The following SAMMSON variants were observed in gnomAD, a reference collection of about 807,000 sequenced individuals.
SAMMSON encodes long intergenic non-protein coding RNA 1212.
intron 4 of SAMMSON, among the ~76,000 whole-genome samples, chr3:70,093,467 G>T (rs753899447): frequency 1.8e-4 from 28 of 152,116 alleles, no homozygotes; most frequent in Non-Finnish European, 3.7e-4. Context: ...AAGGCAACTT[G>T]GTTGTTTGTA....
At chr3:70,423,922 T>C (rs1701333280) in intron 2 of SAMMSON, among the ~76,000 whole-genome samples, 1 of 152,210 alleles carries the variant, frequency 6.6e-6, no homozygotes, top group East Asian at 1.9e-4. Flanking sequence ...TTAGCAGATC[T>C]TTCTGGTCTG....
At chr3:70,056,575 C>G (rs1334663058) in intron 3 of SAMMSON, among the ~76,000 whole-genome samples, 1 of 151,900 alleles carries the variant, frequency 6.6e-6, no homozygotes, top group Non-Finnish European at 1.5e-5. Flanking sequence ...CTCTCCCCCT[C>G]TCTTCACTAA....
chr3:70,336,284 T>C (rs1252644262), intron 7 of SAMMSON, among the ~76,000 whole-genome samples: 2 of 152,032 alleles, frequency 1.3e-5, no homozygotes, highest in Non-Finnish European at 2.9e-5. Context: ...CCCAGGTGTT[T>C]TGAGGCAAGG....
intron 4 of SAMMSON, among the ~76,000 whole-genome samples, chr3:70,227,529 A>G (rs1425149392): frequency 6.6e-6 from 1 of 152,232 alleles, no homozygotes; most frequent in Non-Finnish European, 1.5e-5. Flanking sequence ...AGGCTAGAAG[A>G]CAAAGTGAGT....
intron 4 of SAMMSON, among the ~76,000 whole-genome samples, chr3:70,211,488 C>T (rs1252317000): frequency 3.5e-5 from 2 of 56,828 alleles, no homozygotes; most frequent in African/African-American, 1.1e-4. Context: ...CTTCCTTTCC[C>T]TTCCCTTCCC....
chr3:70,173,115 C>T (rs976875706), intron 4 of SAMMSON, among the ~76,000 whole-genome samples: 1 of 151,920 alleles, frequency 6.6e-6, no homozygotes, highest in Non-Finnish European at 1.5e-5. Flanking sequence ...AAGCCCACTA[C>T]ATTTTTCTTC....
intron 4 of SAMMSON, among the ~76,000 whole-genome samples, chr3:70,111,859 G>A (rs1024063978): frequency 1.3e-5 from 2 of 152,030 alleles, no homozygotes; most frequent in East Asian, 1.9e-4. Context: ...GACAGAGAAC[G>A]AGAAAGAAAG....
At chr3:70,118,800 G>T (rs1055040719) in intron 4 of SAMMSON, among the ~76,000 whole-genome samples, 7 of 152,142 alleles carry the variant, frequency 4.6e-5, no homozygotes, top group African/African-American at 1.7e-4. Context: ...TGAAGAAACT[G>T]AGGCTCAGAA....
intron 7 of SAMMSON, among the ~76,000 whole-genome samples, chr3:70,348,165 A>G (rs191830658): frequency 5.3e-5 from 8 of 152,306 alleles, no homozygotes; most frequent in Non-Finnish European, 1.0e-4. Flanking sequence ...GGAGGTTGTG[A>G]TTTTAAACAG....
chr3:70,152,436 C>T (rs1206330653), intron 4 of SAMMSON, among the ~76,000 whole-genome samples: 1 of 152,008 alleles, frequency 6.6e-6, no homozygotes, highest in Non-Finnish European at 1.5e-5. Context: ...CTCTTCTAAT[C>T]AAAAGTGACA....
chr3:70,187,427 CTTTTTT>C (rs928465556), intron 4 of SAMMSON, among the ~76,000 whole-genome samples: 3 of 73,114 alleles, frequency 4.1e-5, no homozygotes, highest in Non-Finnish European at 7.4e-5. Flanking sequence ...GGGACCAACT[CTTTTTT>C]TTTTTTTTTT....
At chr3:70,126,329 G>A in intron 4 of SAMMSON, 1 of 1,180,154 alleles carries the variant, frequency 8.5e-7, no homozygotes, top group Non-Finnish European at 1.2e-6. Flanking sequence ...CAAATTCAAA[G>A]ACTAAAGTAT....
At chr3:70,389,695 G>A (rs1701028008) in exon 10 of SAMMSON, 1 of 151,882 alleles carries the variant, frequency 6.6e-6, no homozygotes, top group Non-Finnish European at 1.5e-5. Context: ...CGTTTTTTCT[G>A]GATGCTAAGA....
chr3:70,180,001 CGTAT>C (rs1291855305), intron 4 of SAMMSON, among the ~76,000 whole-genome samples: 4 of 73,092 alleles, frequency 5.5e-5, no homozygotes, highest in Admixed American at 1.9e-4. Flanking sequence ...ACCTGTGCTT[CGTAT>C]GTGTGTGTGT....
chr3:70,357,867 A>G (rs114384427), intron 8 of SAMMSON, among the ~76,000 whole-genome samples: 1,721 of 152,276 alleles, frequency 0.011, 27 homozygotes, highest in African/African-American at 0.038. Flanking sequence ...TTTTCTATTA[A>G]TGGGATATGA....
chr3:70,121,799 G>A (rs2067434695), intron 4 of SAMMSON, among the ~76,000 whole-genome samples: 2 of 152,166 alleles, frequency 1.3e-5, no homozygotes, highest in African/African-American at 2.4e-5. Context: ...ACTGGTGGCC[G>A]ACTGCCTGGA....
chr3:70,119,741 AAACACAT>A (rs1201432173), intron 4 of SAMMSON, among the ~76,000 whole-genome samples: 2 of 152,190 alleles, frequency 1.3e-5, no homozygotes, highest in Non-Finnish European at 2.9e-5. Context: ...ATTTGTGTGT[AAACACAT>A]TATCTATGTA....
chr3:70,233,099 G>A (rs1406876056), intron 4 of SAMMSON, among the ~76,000 whole-genome samples: 1 of 152,216 alleles, frequency 6.6e-6, no homozygotes, highest in African/African-American at 2.4e-5. Flanking sequence ...TGAGGCACAA[G>A]AATCGCTTAA....
intron 4 of SAMMSON, chr3:70,084,862 G>A (rs2067279962): frequency 1.3e-5 from 2 of 152,178 alleles, no homozygotes; most frequent in Admixed American, 6.5e-5. Context: ...ATTTGCAGAT[G>A]GGAATGGGAC....
Sources: gnomAD v4.1 joint callset for allele counts (sites outside exome capture counted in the v4.1 genomes callset) on GRCh38, gnomAD v4.1.1 for gene constraint, MANE v1.5 for transcripts, NCBI Gene and HGNC (gene_info 2026-07-23, HGNC 2026-07-21) for gene names.